FASTKD1: variants seen among roughly 807,000 people sequenced by gnomAD.
The protein encoded by FASTKD1 is FAST kinase domains 1.
In FASTKD1, 94 loss-of-function variants were observed where a neutral mutation model predicts 90.9. The ratio of observed to expected loss-of-function variants is 1.03; its 90% confidence interval spans 0.88 to 1.23. The LOEUF (loss-of-function observed/expected upper bound fraction) is 1.23, where lower values mean the gene tolerates loss of function less well. Ranked by LOEUF, FASTKD1 falls within the 50% of genes most tolerant of loss-of-function variation. FASTKD1 has a pLI of 0.00. For synonymous variants in FASTKD1, 319 were observed against 345.8 expected (o/e 0.92, Z 0.86); for missense variants, 945 against 993.5 (o/e 0.95, Z 0.66).
At chr2:169,536,013 C>T (rs778921047) in intron 12 of FASTKD1, among the ~76,000 whole-genome samples, 24 of 151,414 alleles carry the variant, frequency 1.6e-4, no homozygotes, top group Non-Finnish European at 2.6e-4. Context: ...CAGTGGCTCA[C>T]ACCTGTAATC....
intron 2 of FASTKD1, among the ~76,000 whole-genome samples, chr2:169,570,850 A>G (rs889676394): frequency 6.6e-6 from 1 of 151,830 alleles, no homozygotes; most frequent in Non-Finnish European, 1.5e-5. Context: ...TAATTTTTGT[A>G]TTTTTAGTAG....
chr2:169,546,198 G>T lies in FASTKD1; in HGVS notation c.1701+20C>A. ...AAGTTGACAACTCTATAAAATTAAT[G>T]TCTACCATTTAAATTTCACCTTTTC... On this transcript the variant is annotated intron_variant, in intron 8 of 14. Transcript: ENST00000453153. The T allele has an allele frequency of 6.6e-7, 1 of 1,519,518 alleles. No individual in the cohort carries two copies. Among genetic ancestry groups the T allele is most frequent in the Non-Finnish European group, 8.8e-7 (1 of 1,136,210 alleles). 94.1% of individuals were successfully genotyped at this position (1,519,518 alleles called of 1,614,324 possible). A position where few individuals can be genotyped will look rare whatever the true frequency, so the allele number is the denominator to read the frequency against.
rs750426899 is a variant in FASTKD1 at position 169,531,489 on chromosome 2, A to C, written c.2190T>G (p.Asp730Glu). Residue 730 changes from aspartate (D) to glutamate (E), a missense_variant and splice_region_variant, in exon 13 of 15, where the codon GAT becomes GAG. Coordinates refer to ENST00000453153, the MANE Select transcript of FASTKD1 (RefSeq NM_024622.6). ...SVLTPYYHKV[D>E]FECILDKRKK... ...TTCTTTTATCCAAGATACACTCAAAATCTTAAGGAAGCATAGAAACTGGTA... is the reference window on the plus strand; with the variant it reads ...TTCTTTTATCCAAGATACACTCAAACTCTTAAGGAAGCATAGAAACTGGTA... 7 of 1,599,040 alleles carry C rather than the reference A, an allele frequency of 4.4e-6. No homozygotes were observed. The highest frequency in any genetic ancestry group is 6.0e-6 in the Non-Finnish European group (7 of 1,175,418).
chr2:169,556,686 G>A (rs918490043), intron 6 of FASTKD1, among the ~76,000 whole-genome samples: 2 of 151,832 alleles, frequency 1.3e-5, no homozygotes, highest in East Asian at 1.9e-4. Context: ...TTAGCCAGGC[G>A]TGGTGGCACA....
chr2:169,559,883 G>A (rs2683453), intron 5 of FASTKD1, among the ~76,000 whole-genome samples: 98,482 of 152,102 alleles, frequency 0.65, 32,101 homozygotes, highest in Admixed American at 0.74. Flanking sequence ...ACCTACATCA[G>A]TATCTAGCAA....
chr2:169,540,218 C>T lies in FASTKD1; in HGVS notation c.1817-39G>A, dbSNP rs553983233. On this transcript the variant is annotated intron_variant, in intron 9 of 14. Coordinates refer to ENST00000453153, the MANE Select transcript of FASTKD1 (RefSeq NM_024622.6). ...AAGATTTTTTTAAAGGTATAGCTGC[C>T]TCACTTATATATACACTTATAATTT... 3.2e-5 allele frequency: 47 copies of T among 1,486,710 alleles called. No individual in the cohort carries two copies. The African/African-American group carries it at 6.4e-4, about 20-fold the overall frequency. 92.1% of individuals were successfully genotyped at this position (1,486,710 alleles called of 1,614,324 possible). A position where few individuals can be genotyped will look rare whatever the true frequency, so the allele number is the denominator to read the frequency against.
chr2:169,536,938 A>G (rs1403863062), intron 12 of FASTKD1: 32 of 248,690 alleles, frequency 1.3e-4, no homozygotes, highest in Non-Finnish European at 7.6e-6. Context: ...AAGATCCAGA[A>G]ATGTTCAGTG....
chr2:169,542,644 C>T (rs975890198), intron 9 of FASTKD1, among the ~76,000 whole-genome samples: 3 of 152,116 alleles, frequency 2.0e-5, no homozygotes, highest in South Asian at 2.1e-4. Context: ...GTGGGAGGAC[C>T]GCTTGAGCCC....
Position 169,537,267 on chromosome 2 carries a change from A to G in FASTKD1, c.2148T>C (p.Cys716=), listed in dbSNP as rs1313303913. Residue 716 remains cysteine, a synonymous_variant, in exon 12 of 15, where the codon TGT becomes TGC. Coordinates refer to ENST00000453153, the MANE Select transcript of FASTKD1 (RefSeq NM_024622.6). The stretch of plus-strand genomic sequence containing the variant: ...AAGGCGTAAGAACCGAGGCTTTTAC[A>G]CAATTGATTCCTCCTAGTACCTCTG... ...MLAEVLGGIN[C]VKASVLTPYY... is the part of the protein sequence containing the mutation. 1 of 1,613,356 alleles carries G rather than the reference A, an allele frequency of 6.2e-7. No homozygotes were observed. Among genetic ancestry groups the G allele is most frequent in the South Asian group, 1.1e-5 (1 of 91,048 alleles).
chr2:169,538,675 CAAA>C (rs35866271), intron 10 of FASTKD1, among the ~76,000 whole-genome samples: 973 of 90,944 alleles, frequency 0.011, 17 homozygotes, highest in African/African-American at 0.038. Flanking sequence ...AACTCCGTCT[CAAA>C]AAAAAAAAAA....
chr2:169,568,528 C>T (rs1684088637), intron 3 of FASTKD1, among the ~76,000 whole-genome samples: 1 of 148,996 alleles, frequency 6.7e-6, no homozygotes, highest in African/African-American at 2.5e-5. Context: ...CATGGTGGCT[C>T]ATGCATATAA....
At chr2:169,563,104 G>A (rs920101258) in intron 4 of FASTKD1, 121 bp downstream of exon 4, 18 of 914,996 alleles carry the variant, frequency 2.0e-5, no homozygotes, top group African/African-American at 1.5e-4. Flanking sequence ...TGAGGATAAC[G>A]AACTTCCAAG....
Position 169,529,784 on chromosome 2 carries a change from G to A in FASTKD1, c.*41C>T, listed in dbSNP as rs7349274. 0.091 allele frequency: 126,725 copies of A among 1,397,472 alleles called. 7,036 individuals are homozygous for A. The highest frequency in any genetic ancestry group is 0.2 in the East Asian group (8,855 of 43,356). The allele number at this position is 1,397,472 out of a possible 1,614,324, so 86.6% of individuals were successfully genotyped here. A position where few individuals can be genotyped will look rare whatever the true frequency, so the allele number is the denominator to read the frequency against. On this transcript the variant is annotated 3_prime_UTR_variant, in exon 15 of 15. Transcript: ENST00000453153. ...GAGACAGGCCACTTTATTAAAATAG[G>A]TCCAAATGTAACACACGATAACATT... is the stretch of plus-strand genomic sequence containing the variant.
intron 5 of FASTKD1, among the ~76,000 whole-genome samples, chr2:169,557,915 AAACT>A (rs892014779): frequency 5.9e-5 from 9 of 152,202 alleles, no homozygotes; most frequent in Admixed American, 2.6e-4. Context: ...CTGATAGGAT[AAACT>A]AATTGTCTAT....
In FASTKD1 at chr2:169,560,648, A is replaced by C; in HGVS notation, c.710T>G (p.Phe237Cys). ...EVNVAKSIAK[F>C]LRNVRYRYQP... ...ATAACGATATCTAACATTTCGAAGAAACTTTGCTATGCTTTTTGCAACGTT... is the reference window on the plus strand; with the variant it reads ...ATAACGATATCTAACATTTCGAAGACACTTTGCTATGCTTTTTGCAACGTT... Residue 237 changes from phenylalanine to cysteine, a missense_variant, in exon 5 of 15, where the codon TTT becomes TGT. Coordinates refer to ENST00000453153, the MANE Select transcript of FASTKD1 (RefSeq NM_024622.6). 6.2e-7 allele frequency: 1 copy of C among 1,613,158 alleles called. No homozygotes were observed. Among genetic ancestry groups the C allele is most frequent in the Non-Finnish European group, 8.5e-7 (1 of 1,179,768 alleles).
chr2:169,540,650 C>T (rs1399710594), intron 9 of FASTKD1, among the ~76,000 whole-genome samples: 1 of 152,022 alleles, frequency 6.6e-6, no homozygotes, highest in Non-Finnish European at 1.5e-5. Flanking sequence ...TATTAACTCA[C>T]TTATATCTTA....
Position 169,560,567 on chromosome 2 carries a change from T to C in FASTKD1, c.791A>G (p.Asp264Gly). 6.2e-7 allele frequency: 1 copy of C among 1,605,782 alleles called. No homozygotes were observed. Among genetic ancestry groups the C allele is most frequent in the South Asian group, 1.1e-5 (1 of 89,134 alleles). ...AAGTATTTTACTGATGGAATCCAAA[T>C]CAAGGTGGTCCACATTACTTAAAAA... is the stretch of plus-strand genomic sequence containing the variant. Reference protein sequence around the residue: ...NVFLSNVDHLDLDSISKILSV... With the variant: ...NVFLSNVDHLGLDSISKILSV... The change falls in exon 5 of 15, where the codon GAT becomes GGT. Residue 264 changes from aspartate (D) to glycine (G), a missense_variant. By Grantham distance (94) the Asp-to-Gly change is moderately conservative (BLOSUM62 -1). Transcript: ENST00000453153.
chr2:169,539,728 C>T (rs957298083), intron 10 of FASTKD1, among the ~76,000 whole-genome samples: 3 of 151,816 alleles, frequency 2.0e-5, no homozygotes, highest in African/African-American at 7.3e-5. Context: ...TGCACCACTG[C>T]ACTCCAGCCT....
chr2:169,570,287 G>A (rs1391791450), intron 2 of FASTKD1, among the ~76,000 whole-genome samples: 2 of 152,078 alleles, frequency 1.3e-5, no homozygotes, highest in African/African-American at 4.8e-5. Context: ...TTCTTTTGAA[G>A]GCTGGATTTC....
Sources: gnomAD v4.1 joint callset for allele counts (sites outside exome capture counted in the v4.1 genomes callset) on GRCh38, gnomAD v4.1.1 for gene constraint, MANE v1.5 for transcripts, NCBI Gene and HGNC (gene_info 2026-07-23, HGNC 2026-07-21) for gene names.